Variants in CSGALNACT1 observed in about 807,000 individuals in gnomAD.
CSGALNACT1 encodes chondroitin sulfate N-acetylgalactosaminyltransferase 1.
A neutral mutation model predicts 51.0 loss-of-function variants in CSGALNACT1; 52 were observed. The observed-to-expected ratio is 1.02, with a 90% confidence interval of 0.82 to 1.29. CSGALNACT1 has a LOEUF of 1.29. CSGALNACT1 is among the 50% of genes most tolerant of loss of function. The pLI is 0.00. For synonymous variants in CSGALNACT1, 341 were observed against 254.4 expected, an observed-to-expected ratio of 1.34 and a Z score of -3.24; for missense variants, 935 against 679.2, an observed-to-expected ratio of 1.38 and a Z score of -4.19.
At chr8:19,704,192 G>A (rs1318440425) in intron 1 of CSGALNACT1, among the ~76,000 whole-genome samples, 1 of 152,048 alleles carries the variant, frequency 6.6e-6, no homozygotes, top group Non-Finnish European at 1.5e-5. Flanking sequence ...CCCAGTCCCT[G>A]GAAAAACAAG....
chr8:19,457,422 G>C (rs138382495), intron 5 of CSGALNACT1: 3 of 358,176 alleles, frequency 8.4e-6, no homozygotes, highest in African/African-American at 4.3e-5. Context: ...AGACTAGCCC[G>C]GCCAAAATGG....
chr8:19,457,413 G>C (rs2064333967), intron 5 of CSGALNACT1: 1 of 358,664 alleles, frequency 2.8e-6, no homozygotes, highest in Non-Finnish European at 5.5e-6. Flanking sequence ...AGGAGTTCAA[G>C]ACTAGCCCGG....
intron 1 of CSGALNACT1, among the ~76,000 whole-genome samples, chr8:19,722,983 T>TA (rs1174743259): frequency 6.6e-6 from 1 of 152,220 alleles, no homozygotes; most frequent in South Asian, 2.1e-4. Context: ...CTGCCACCGA[T>TA]CTTTATTCTA....
At chr8:19,748,036 T>G (rs1329987477) in intron 1 of CSGALNACT1, among the ~76,000 whole-genome samples, 1 of 146,884 alleles carries the variant, frequency 6.8e-6, no homozygotes, top group African/African-American at 2.6e-5. Flanking sequence ...TCACCCATTA[T>G]GTAGCCATAA....
rs116304595 is a variant in CSGALNACT1, at chr8:19,531,194, G to A, written c.-296-25064C>T. 6.0e-3 allele frequency among the ~76,000 whole-genome samples: 907 copies of A among 152,292 alleles called. 9 individuals are homozygous for A. Among genetic ancestry groups the A allele is most frequent in the African/African-American group, 0.021 (855 of 41,544 alleles). Reference sequence around the variant, plus strand: ...TCCTCATGACATTCCACCAAGGGAGGCAGATATCTATCATCTTTATTTTAG... The same window carrying A: ...TCCTCATGACATTCCACCAAGGGAGACAGATATCTATCATCTTTATTTTAG... On this transcript the variant is annotated intron_variant, in intron 3 of 9. Coordinates refer to ENST00000454498, the Ensembl canonical transcript of CSGALNACT1.
At chr8:19,636,139 G>C (rs1438143693) in intron 1 of CSGALNACT1, among the ~76,000 whole-genome samples, 2 of 151,894 alleles carry the variant, frequency 1.3e-5, no homozygotes, top group Non-Finnish European at 2.9e-5. Flanking sequence ...CATTACCTCA[G>C]GTTAACCATG....
intron 1 of CSGALNACT1, among the ~76,000 whole-genome samples, chr8:19,705,735 T>A (rs1228208125): frequency 6.6e-6 from 1 of 151,266 alleles, no homozygotes; most frequent in Non-Finnish European, 1.5e-5. Context: ...AGACCCAGTC[T>A]CAAAAAAAAA....
chr8:19,534,607 G>C (rs1364566709), intron 3 of CSGALNACT1, among the ~76,000 whole-genome samples: 1 of 152,054 alleles, frequency 6.6e-6, no homozygotes, highest in Non-Finnish European at 1.5e-5. Context: ...CAGGGGCCAG[G>C]GAAAATTAAA....
intron 1 of CSGALNACT1, among the ~76,000 whole-genome samples, chr8:19,648,646 A>G (rs912993688): frequency 2.6e-5 from 4 of 152,088 alleles, no homozygotes; most frequent in Non-Finnish European, 5.9e-5. Flanking sequence ...CGTCTCTACA[A>G]AAAGTACTAA....
chr8:19,435,420 G>A (rs571879127), intron 6 of CSGALNACT1, among the ~76,000 whole-genome samples: 2 of 151,610 alleles, frequency 1.3e-5, no homozygotes, highest in Non-Finnish European at 2.9e-5. Context: ...TTGAACCCAA[G>A]AGGTGGAGGT....
At chr8:19,450,255 GAACAGGGGAGGA>G (rs2062924349) in intron 5 of CSGALNACT1, among the ~76,000 whole-genome samples, 2 of 87,128 alleles carry the variant, frequency 2.3e-5, no homozygotes, top group African/African-American at 9.1e-5. Flanking sequence ...AGAGGGGGAG[GAACAGGGGAGGA>G]GAGGGGGGAG....
intron 3 of CSGALNACT1, among the ~76,000 whole-genome samples, chr8:19,530,519 G>T (rs947299044): frequency 2.0e-5 from 3 of 152,074 alleles, no homozygotes; most frequent in African/African-American, 7.2e-5. Flanking sequence ...CTAGAATTCA[G>T]TCGCTAAACT....
At chr8:19,498,327 C>T (rs1052005948) in intron 4 of CSGALNACT1, among the ~76,000 whole-genome samples, 4 of 152,192 alleles carry the variant, frequency 2.6e-5, no homozygotes, top group Non-Finnish European at 5.9e-5. Context: ...AGGACCACAT[C>T]CACAACCGTA....
intron 6 of CSGALNACT1, among the ~76,000 whole-genome samples, chr8:19,422,420 C>T (rs536431034): frequency 1.4e-4 from 22 of 152,212 alleles, no homozygotes; most frequent in African/African-American, 4.6e-4. Context: ...TGGCTTCATG[C>T]GGTACTACTG....
chr8:19,409,486 C>CATATAT (rs3839879), intron 8 of CSGALNACT1, among the ~76,000 whole-genome samples: 5 of 147,742 alleles, frequency 3.4e-5, no homozygotes, highest in African/African-American at 1.3e-4. Context: ...TGCATGTGTA[C>CATATAT]ATATATATAT....
intron 1 of CSGALNACT1, among the ~76,000 whole-genome samples, chr8:19,632,376 C>T (rs973407872): frequency 7.9e-5 from 12 of 152,256 alleles, no homozygotes; most frequent in Admixed American, 4.6e-4. Flanking sequence ...CTGCCGTTTA[C>T]GGCACCTCTT....
chr8:19,646,830 T>C (rs1460732542), intron 1 of CSGALNACT1, among the ~76,000 whole-genome samples: 1 of 152,184 alleles, frequency 6.6e-6, no homozygotes, highest in Non-Finnish European at 1.5e-5. Context: ...CACCATCTAT[T>C]GCGTTGACCT....
rs1177939899 is a variant in CSGALNACT1 at position 19,667,040 on chromosome 8, GAAGAAAGAAAGA to G, written c.-544+15421_-544+15432del. ...GAAAGGAAGGAAGGAAGGAAGGAAG[GAAGAAAGAAAGA>G]AAGAAAGAAAGAAAGAAAGAAAGAA... On this transcript the variant is annotated intron_variant, in intron 1 of 9. Coordinates refer to the CSGALNACT1 transcript ENST00000332246. 3.4e-4 allele frequency among the ~76,000 whole-genome samples: 12 copies of G among 34,972 alleles called. 1 individual carries two copies. Among genetic ancestry groups the G allele is most frequent in the East Asian group, 1.8e-3 (2 of 1,112 alleles). 22.9% of individuals were successfully genotyped at this position (34,972 alleles called of 152,430 possible).
At chr8:19,420,628 C>T (rs1279466587) in intron 6 of CSGALNACT1, 110 bp from the exon 6 acceptor site, 7 of 1,155,924 alleles carry the variant, frequency 6.1e-6, no homozygotes, top group Non-Finnish European at 7.8e-6. Context: ...TCTTTTGTAA[C>T]CTGAGGGCAC....
Sources: gnomAD v4.1 joint callset for allele counts (sites outside exome capture counted in the v4.1 genomes callset) on GRCh38, gnomAD v4.1.1 for gene constraint, MANE v1.5 for transcripts, NCBI Gene and HGNC (gene_info 2026-07-23, HGNC 2026-07-21) for gene names.